GRIK1: variants seen among roughly 807,000 people sequenced by gnomAD.
GRIK1 encodes the protein glutamate ionotropic receptor kainate type subunit 1.
In GRIK1, 69 loss-of-function variants were observed where a neutral mutation model predicts 105.7. The ratio of observed to expected loss-of-function variants is 0.65; its 90% CI spans 0.54 to 0.80. GRIK1 has a LOEUF of 0.80. GRIK1 is among the 30% of genes least tolerant of loss of function. GRIK1 has a pLI of 0.00. For missense variants in GRIK1, 1,109 were observed against 1,167.3 expected (o/e 0.95, Z 0.73); for synonymous variants, 438 against 431.3 (o/e 1.02, Z -0.19).
In GRIK1 at chr21:29,587,447, A is replaced by T. The variant is rs778561238; in HGVS notation, c.1712T>A (p.Leu571His). ...CCAAATATCTGGAGACAGGGGGTTGAGGAAGGAGAAAACGCCTGGATTGGT... is the reference window on the plus strand; with the variant it reads ...CCAAATATCTGGAGACAGGGGGTTGTGGAAGGAGAAAACGCCTGGATTGGT... ...NGTNPGVFSF[L>H]NPLSPDIWMY... is the part of the protein sequence containing the mutation. Residue 571 changes from leucine to histidine, a missense_variant, in exon 12 of 18, where the codon CTC becomes CAC. Physicochemically the swap from Leu to His is moderately conservative, Grantham distance 99. Around this residue, in one of 5 missense-constraint regions of GRIK1, gnomAD observed 264 missense variants for 306.9 expected, o/e 0.86. Transcript: ENST00000327783. The T allele has an allele frequency of 2.5e-6, 4 of 1,613,834 alleles. No homozygotes were observed. The East Asian group carries it at 8.9e-5, about 36-fold the overall frequency.
intron 1 of GRIK1, among the ~76,000 whole-genome samples, chr21:29,750,122 G>T (rs2065147325): frequency 6.6e-6 from 1 of 151,914 alleles, no homozygotes; most frequent in Non-Finnish European, 1.5e-5. Context: ...AGAATTAATT[G>T]AGGAGAGGGA....
chr21:29,907,071 C>T (rs1414520139), intron 1 of GRIK1, among the ~76,000 whole-genome samples: 1 of 150,310 alleles, frequency 6.7e-6, no homozygotes, highest in Non-Finnish European at 1.5e-5. Context: ...CTGCAAAGCA[C>T]ACAGCATGCA....
At chr21:29,600,389 T>C (rs2061496836) in intron 7 of GRIK1, among the ~76,000 whole-genome samples, 1 of 152,214 alleles carries the variant, frequency 6.6e-6, no homozygotes, top group Non-Finnish European at 1.5e-5. Context: ...GGTGGTTTTA[T>C]TAAATAAAAA....
At chr21:29,589,225 C>G (rs1317823346) in intron 10 of GRIK1, among the ~76,000 whole-genome samples, 183 bp from the exon 11 acceptor site, 1 of 152,148 alleles carries the variant, frequency 6.6e-6, no homozygotes, top group Non-Finnish European at 1.5e-5. Context: ...ATTATTGTTT[C>G]TTTCCCTTCT....
rs34910439 is a variant in GRIK1 at position 29,541,575 on chromosome 21, C to CTTTTT, written c.2608-3696_2608-3692dup. Among the ~76,000 whole-genome samples, 102 of 95,942 alleles carry CTTTTT rather than the reference C, an allele frequency of 1.1e-3. 7 individuals are homozygous for CTTTTT. The highest frequency in any genetic ancestry group is 4.3e-3 in the African/African-American group (90 of 20,926). The allele number at this position is 95,942 out of a possible 152,430, so 62.9% of individuals were successfully genotyped here. A position where few individuals can be genotyped will look rare whatever the true frequency, so the allele number is the denominator to read the frequency against. The stretch of plus-strand genomic sequence containing the variant: ...CTATGCCATTCATTGCACTCACGGT[C>CTTTTT]TTTTTTTTTTTTTTTTTTTTTGTGG... On this transcript the variant is annotated intron_variant, in intron 16 of 17. Transcript: ENST00000327783.
chr21:29,605,939 AG>A, intron 7 of GRIK1, among the ~76,000 whole-genome samples: 1 of 152,156 alleles, frequency 6.6e-6, no homozygotes, highest in Admixed American at 6.6e-5. Context: ...TTTCCTTGCT[AG>A]ATCAAGGTGA....
intron 1 of GRIK1, among the ~76,000 whole-genome samples, chr21:29,805,339 G>T (rs2066835650): frequency 1.3e-5 from 2 of 152,092 alleles, no homozygotes. Context: ...AGTGCAGAAG[G>T]CAGGGAAGAG....
At chr21:29,830,620 A>G (rs2067605020) in intron 1 of GRIK1, among the ~76,000 whole-genome samples, 1 of 152,156 alleles carries the variant, frequency 6.6e-6, no homozygotes, top group Non-Finnish European at 1.5e-5. Flanking sequence ...TTAACCTAGT[A>G]TATCTCCTTA....
At chr21:29,899,791 G>A (rs1366561487) in intron 1 of GRIK1, among the ~76,000 whole-genome samples, 1 of 151,966 alleles carries the variant, frequency 6.6e-6, no homozygotes, top group Non-Finnish European at 1.5e-5. Flanking sequence ...TGATGCAGAT[G>A]GACTTACTCA....
At chr21:29,701,385 G>T (rs558192603) in intron 1 of GRIK1, among the ~76,000 whole-genome samples, 7 of 152,306 alleles carry the variant, frequency 4.6e-5, no homozygotes, top group South Asian at 2.1e-4. Context: ...GGAGAAGAGC[G>T]TTACAGCCAG....
chr21:29,603,914 T>C (rs952064762), intron 7 of GRIK1, among the ~76,000 whole-genome samples: 4 of 152,210 alleles, frequency 2.6e-5, no homozygotes, highest in South Asian at 2.1e-4. Flanking sequence ...TTAAATTCTA[T>C]AGGATTTTCA....
chr21:29,789,801 G>T (rs889269198), intron 1 of GRIK1, among the ~76,000 whole-genome samples: 3 of 152,180 alleles, frequency 2.0e-5, no homozygotes, highest in Non-Finnish European at 4.4e-5. Flanking sequence ...ATGGAGAAAA[G>T]CAGTAGAAAC....
chr21:29,864,229 T>A (rs2068733534), intron 1 of GRIK1, among the ~76,000 whole-genome samples: 1 of 152,176 alleles, frequency 6.6e-6, no homozygotes, highest in African/African-American at 2.4e-5. Context: ...TTAAATATCA[T>A]TTTCTGTCAA....
chr21:29,589,647 C>T (rs1025063995), intron 10 of GRIK1, among the ~76,000 whole-genome samples: 3 of 151,866 alleles, frequency 2.0e-5, no homozygotes, highest in East Asian at 3.9e-4. Context: ...AGGATGGTCT[C>T]GATCTCCTGA....
At chr21:29,750,265 A>G (rs868678580) in intron 1 of GRIK1, among the ~76,000 whole-genome samples, 1 of 21,168 alleles carries the variant, frequency 4.7e-5, no homozygotes, top group African/African-American at 1.0e-4. Flanking sequence ...TCCCTCCCTC[A>G]TTCCTTTATT....
intron 1 of GRIK1, among the ~76,000 whole-genome samples, chr21:29,894,741 G>T (rs1281358449): frequency 6.6e-6 from 1 of 152,154 alleles, no homozygotes; most frequent in Non-Finnish European, 1.5e-5. Context: ...GCAATTAAAA[G>T]ATTTTAATCG....
At chr21:29,642,049 A>G (rs1332948543) in intron 7 of GRIK1, among the ~76,000 whole-genome samples, 1 of 152,192 alleles carries the variant, frequency 6.6e-6, no homozygotes, top group Admixed American at 6.5e-5. Context: ...ATCTCAGAGC[A>G]TTGCGCATAC....
chr21:29,657,126 A>G (rs1199397004), intron 4 of GRIK1, among the ~76,000 whole-genome samples: 1 of 152,204 alleles, frequency 6.6e-6, no homozygotes, highest in Non-Finnish European at 1.5e-5. Flanking sequence ...TTTGGTCATT[A>G]GATAGTGTAA....
intron 1 of GRIK1, among the ~76,000 whole-genome samples, chr21:29,812,395 T>A (rs1258520249): frequency 6.6e-6 from 1 of 152,200 alleles, no homozygotes; most frequent in Admixed American, 6.5e-5. Flanking sequence ...TGAACATAAA[T>A]GAATGGCAGT....
Sources: allele counts gnomAD v4.1 joint callset (sites outside exome capture counted in the v4.1 genomes callset), GRCh38; gene constraint gnomAD v4.1.1; regional missense constraint gnomAD v4.1.1; transcripts MANE v1.5; gene names NCBI Gene and HGNC (gene_info 2026-07-23, HGNC 2026-07-21).